ZSCAN20: variants seen among roughly 807,000 people sequenced by gnomAD.
The protein encoded by ZSCAN20 is zinc finger and SCAN domain containing 20, also known as zinc finger and SCAN domain-containing protein 20.
A neutral mutation model predicts 97.1 loss-of-function variants in ZSCAN20; 39 were observed. The observed-to-expected ratio is 0.40, with a 90% CI of 0.31 to 0.52. The LOEUF is 0.52. Ranked by LOEUF, ZSCAN20 falls within the 20% of genes least tolerant of loss-of-function variation. The pLI is 0.49. For synonymous variants in ZSCAN20, 456 were observed against 467.3 expected, an observed-to-expected ratio of 0.98 and a Z score of 0.31; for missense variants, 1,115 against 1,290.4, an observed-to-expected ratio of 0.86 and a Z score of 2.08.
chr1:33,494,213 T>C lies in ZSCAN20; in HGVS notation c.1874-5T>C, dbSNP rs1652743729. The C allele has an allele frequency of 1.3e-6, 2 of 1,547,804 alleles. No homozygotes were observed. The highest frequency in any genetic ancestry group is 4.5e-5 in the East Asian group (2 of 44,242). On this transcript the variant is annotated splice_region_variant and splice_polypyrimidine_tract_variant and intron_variant, in intron 7 of 7. Transcript: ENST00000684572. Reference sequence around the variant, plus strand: ...GAAAAACTGCATTTCTGTCCATTTTTTCAGGTTTTGAAATGAGGCATGAGG... The same window carrying C: ...GAAAAACTGCATTTCTGTCCATTTTCTCAGGTTTTGAAATGAGGCATGAGG...
chr1:33,475,386 G>A (rs984032223), intron 1 of ZSCAN20, among the ~76,000 whole-genome samples: 4 of 152,210 alleles, frequency 2.6e-5, no homozygotes, highest in Non-Finnish European at 4.4e-5. Flanking sequence ...GCAAGGAGCC[G>A]TTTCAGAAAC....
chr1:33,485,650 A>G (rs1285631929), intron 2 of ZSCAN20, among the ~76,000 whole-genome samples: 1 of 151,962 alleles, frequency 6.6e-6, no homozygotes, highest in Non-Finnish European at 1.5e-5. Context: ...CTGGCTTCAA[A>G]TGATCCACCA....
At chr1:33,479,063 G>A in intron 1 of ZSCAN20, 116 bp from the exon 2 acceptor site, 1 of 449,974 alleles carries the variant, frequency 2.2e-6, no homozygotes, top group Non-Finnish European at 3.9e-6. Context: ...ATGGGAAAGG[G>A]GCATCTCTTA....
rs755097257 is a variant in ZSCAN20, at chr1:33,493,656, A to G, written c.1873+41A>G. 5 of 1,509,292 alleles carry G rather than the reference A, an allele frequency of 3.3e-6. No homozygotes were observed. Among genetic ancestry groups the G allele is most frequent in the South Asian group, 1.4e-5 (1 of 73,936 alleles). The allele number at this position is 1,509,292 out of a possible 1,614,324, so 93.5% of individuals were successfully genotyped here. A position where few individuals can be genotyped will look rare whatever the true frequency, so the allele number is the denominator to read the frequency against. On this transcript the variant is annotated intron_variant, in intron 7 of 7. Transcript: ENST00000684572. The surrounding 1 kb of genome is among the most constrained non-coding windows in gnomAD (Gnocchi z 4.3). Reference sequence around the variant, plus strand: ...TTGGATGTTCTCAAAATCTGTGGGCATGTGGAGAGAATGAGGAAGCCAGGC... The same window carrying G: ...TTGGATGTTCTCAAAATCTGTGGGCGTGTGGAGAGAATGAGGAAGCCAGGC...
At chr1:33,481,123 G>C (rs187338272) in intron 2 of ZSCAN20, among the ~76,000 whole-genome samples, 3 of 152,284 alleles carry the variant, frequency 2.0e-5, no homozygotes, top group African/African-American at 7.2e-5. Context: ...GATACAGGGA[G>C]ACTAATATAT....
chr1:33,475,515 C>T (rs1179536187), intron 1 of ZSCAN20, among the ~76,000 whole-genome samples: 1 of 152,198 alleles, frequency 6.6e-6, no homozygotes, highest in Non-Finnish European at 1.5e-5. Context: ...TTTACTCACA[C>T]TTAGTGGAAA....
intron 1 of ZSCAN20, among the ~76,000 whole-genome samples, chr1:33,473,857 C>T (rs1651823145): frequency 6.6e-6 from 1 of 152,154 alleles, no homozygotes; most frequent in African/African-American, 2.4e-5. Context: ...CTCTGTTTCC[C>T]CATTGCCCAG....
At chr1:33,494,023 G>T (rs1652731853) in intron 7 of ZSCAN20, among the ~76,000 whole-genome samples, 195 bp from the exon 8 acceptor site, 1 of 152,200 alleles carries the variant, frequency 6.6e-6, no homozygotes, top group South Asian at 2.1e-4. Flanking sequence ...CCTCAGCTTT[G>T]CAGGTCACAA....
chr1:33,474,763 G>A (rs1393227974), intron 1 of ZSCAN20, among the ~76,000 whole-genome samples: 1 of 152,168 alleles, frequency 6.6e-6, no homozygotes, highest in Non-Finnish European at 1.5e-5. Flanking sequence ...GGAAAAATCA[G>A]CAGGCTTAGG....
At chr1:33,492,029 A>G in intron 6 of ZSCAN20, 1 of 199,536 alleles carries the variant, frequency 5.0e-6, no homozygotes, top group Non-Finnish European at 1.0e-5. Flanking sequence ...GTATTTATAT[A>G]TTTCTCTTAA....
chr1:33,495,593 T>C lies in ZSCAN20; in HGVS notation c.*117T>C, dbSNP rs746590086. The C allele has an allele frequency of 6.1e-6, 6 of 989,394 alleles. No homozygotes were observed. Among genetic ancestry groups the C allele is most frequent in the Non-Finnish European group, 8.2e-6 (6 of 733,302 alleles). The allele number at this position is 989,394 out of a possible 1,614,324, so 61.3% of individuals were successfully genotyped here. A position where few individuals can be genotyped will look rare whatever the true frequency, so the allele number is the denominator to read the frequency against. ...TTGGTGTGTACCCAGGGAAGTTATC[T>C]TGGTATAAACCAGGTAATTTGGAAG... On this transcript the variant is annotated 3_prime_UTR_variant, in exon 8 of 8. Coordinates refer to ENST00000684572, the MANE Select transcript of ZSCAN20 (RefSeq NM_001377376.1).
chr1:33,494,768 C>T lies in ZSCAN20; in HGVS notation c.2424C>T (p.Asn808=). Residue 808 remains asparagine (N), a synonymous_variant, in exon 8 of 8, where the codon AAC becomes AAT. Transcript: ENST00000684572. ...GGAAAAGCTTCAACCAGAGCTCAAA[C>T]CTTCTGAAACATCAGAGAATCCACT... The part of the protein sequence containing the change: ...ECWKSFNQSS[N]LLKHQRIHLG... The T allele has an allele frequency of 6.2e-7, 1 of 1,614,096 alleles. No individual in the cohort carries two copies. The highest frequency in any genetic ancestry group is 8.5e-7 in the Non-Finnish European group (1 of 1,180,018).
rs748998688 is a variant in ZSCAN20 at position 33,493,421 on chromosome 1, C to CT, written c.1682dup (p.Tyr562LeufsTer2). On this transcript the variant is annotated frameshift_variant, in exon 7 of 8. Transcript: ENST00000684572. LOFTEE classifies it high-confidence loss of function. The surrounding 1 kb of genome is among the most constrained non-coding windows in gnomAD (Gnocchi z 4.3). ...AGCAGCCACCCACCAGGGACATGCC[C>CT]TTTCTATGAGGAACTGGACTCGCTG... The CT allele has an allele frequency of 6.2e-7, 1 of 1,614,178 alleles. No individual in the cohort carries two copies. Among genetic ancestry groups the CT allele is most frequent in the Non-Finnish European group, 8.5e-7 (1 of 1,180,040 alleles).
In ZSCAN20 at chr1:33,494,680, C is replaced by T. The variant is rs1416595464; in HGVS notation, c.2336C>T (p.Ser779Phe). Residue 779 changes from serine (S) to phenylalanine (F), a missense_variant, in exon 8 of 8, where the codon TCT becomes TTT. Physicochemically the swap from Ser to Phe is radical, Grantham distance 155 (BLOSUM62 -2). Around this residue, in one of 3 missense-constraint regions of ZSCAN20, gnomAD observed 554 missense variants for 584.9 expected, o/e 0.95. Coordinates refer to ENST00000684572, the MANE Select transcript of ZSCAN20 (RefSeq NM_001377376.1). ...LECGKSFSDH[S>F]NLITHQRIHT... ...TGTGGGAAAAGCTTTAGTGACCATT[C>T]TAATCTCATCACTCACCAGAGAATT... 6.2e-7 allele frequency: 1 copy of T among 1,614,122 alleles called. No individual in the cohort carries two copies. Among genetic ancestry groups the T allele is most frequent in the Admixed American group, 1.7e-5 (1 of 60,022 alleles).
chr1:33,483,206 G>A (rs1053153995), intron 2 of ZSCAN20, among the ~76,000 whole-genome samples: 12 of 149,146 alleles, frequency 8.0e-5, no homozygotes, highest in African/African-American at 2.7e-4. Context: ...TAACGTTAAG[G>A]TCTGTGATCC....
Position 33,494,970 on chromosome 1 carries a change from G to C in ZSCAN20, c.2626G>C (p.Glu876Gln). Residue 876 changes from glutamate (E) to glutamine (Q), a missense_variant, in exon 8 of 8, where the codon GAG becomes CAG. Glu to Gln is a conservative substitution (Grantham distance 29, BLOSUM62 2). Coordinates refer to ENST00000684572, the MANE Select transcript of ZSCAN20 (RefSeq NM_001377376.1). The stretch of plus-strand genomic sequence containing the variant: ...CACAAACTCAGGGGAGAAACTTTAT[G>C]AGTGTTCTGAATGTGGAAGAAGCTT... ...HSTNSGEKLY[E>Q]CSECGRSFSK... The C allele has an allele frequency of 1.2e-6, 2 of 1,614,122 alleles. No homozygotes were observed. The highest frequency in any genetic ancestry group is 1.7e-6 in the Non-Finnish European group (2 of 1,180,020).
chr1:33,495,231 G>A lies in ZSCAN20; in HGVS notation c.2887G>A (p.Glu963Lys), dbSNP rs748418293. 1 of 1,613,610 alleles carries A rather than the reference G, an allele frequency of 6.2e-7. No individual in the cohort carries two copies. Among genetic ancestry groups the A allele is most frequent in the South Asian group, 1.1e-5 (1 of 91,034 alleles). Residue 963 changes from glutamate to lysine, a missense_variant, in exon 8 of 8, where the codon GAG (glutamate) becomes AAG (lysine). Glu to Lys is a moderately conservative substitution (Grantham distance 56, BLOSUM62 1). Coordinates refer to ENST00000684572, the MANE Select transcript of ZSCAN20 (RefSeq NM_001377376.1). ...HTGEKPYKCLECGKFFRDRSN... is the reference protein window; with the variant it reads ...HTGEKPYKCLKCGKFFRDRSN... ...AGGAGAGAAGCCCTACAAATGCCTT[G>A]AGTGTGGAAAATTCTTCCGTGACCG...
rs149240203 is a variant in ZSCAN20, at chr1:33,499,303, G to C, written c.*3827G>C. ...CTGGGTCTTTGTACTCCAGAGTTCT[G>C]TCCTAGGCTTGCTTCTTCATTCACT... On this transcript the variant is annotated 3_prime_UTR_variant, in exon 8 of 8. Transcript: ENST00000684572. 2.0e-4 allele frequency among the ~76,000 whole-genome samples: 31 copies of C among 152,312 alleles called. No individual in the cohort carries two copies. In the East Asian group the frequency reaches 5.8e-3, roughly 28 times the overall value.
rs781734318 is a variant in ZSCAN20, at chr1:33,488,576, G to T, written c.529G>T (p.Gly177Trp). 6 of 1,613,150 alleles carry T rather than the reference G, an allele frequency of 3.7e-6. No individual in the cohort carries two copies. The highest frequency in any genetic ancestry group is 5.1e-6 in the Non-Finnish European group (6 of 1,179,798). ...GCCTGAGGGACAGTCCCAGAAGAAG[G>T]GGGTGAAGAATACATGCCCTGACCT... ...PWPEGQSQKK[G>W]VKNTCPDLPN... Residue 177 changes from glycine (G) to tryptophan (W), a missense_variant, in exon 3 of 8, where the codon GGG becomes TGG. By Grantham distance (184) the Gly-to-Trp change is radical (BLOSUM62 -2). This residue lies in a region of ZSCAN20 where 508 missense variants were observed against 611.2 expected (regional missense o/e 0.83). Transcript: ENST00000684572.
Sources: gnomAD v4.1 joint callset for allele counts (sites outside exome capture counted in the v4.1 genomes callset) on GRCh38, gnomAD v4.1.1 for gene constraint, gnomAD v4.1.1 regional missense constraint, Gnocchi (gnomAD v3.1) non-coding constraint, MANE v1.5 for transcripts, NCBI Gene and HGNC (gene_info 2026-07-23, HGNC 2026-07-21) for gene names.